The following CEP128 variants were observed in gnomAD, a reference collection of about 807,000 sequenced individuals.
The protein encoded by CEP128 is centrosomal protein 128kDa.
In CEP128, 132 loss-of-function variants were observed where a neutral mutation model predicts 156.7. That is an observed-to-expected ratio of 0.84 (90% CI 0.73 to 0.97). The LOEUF (loss-of-function observed/expected upper bound fraction) is 0.97, where lower values mean the gene tolerates loss of function less well. Among genes scored for constraint, CEP128 ranks in the 50% least tolerant of loss-of-function variants. The pLI, the probability that CEP128 is intolerant of heterozygous loss-of-function variation, is 0.00. For synonymous variants in CEP128, 469 were observed against 448.9 expected, an observed-to-expected ratio of 1.04 and a Z score of -0.57; for missense variants, 1,252 against 1,281.9, an observed-to-expected ratio of 0.98 and a Z score of 0.36.
At chr14:80,584,091 G>A (rs17110817) in intron 19 of CEP128, among the ~76,000 whole-genome samples, 24,712 of 149,184 alleles carry the variant, frequency 0.17, 2,300 homozygotes, top group East Asian at 0.2. Flanking sequence ...ACACTTGTCT[G>A]TATTCTTCTG....
At chr14:80,604,064 T>C (rs1340552845) in intron 19 of CEP128, among the ~76,000 whole-genome samples, 1 of 152,220 alleles carries the variant, frequency 6.6e-6, no homozygotes, top group Non-Finnish European at 1.5e-5. Flanking sequence ...TCTAGTTCTA[T>C]ACATTCTACT....
chr14:80,604,552 C>A (rs1892704818), intron 19 of CEP128, among the ~76,000 whole-genome samples: 1 of 152,126 alleles, frequency 6.6e-6, no homozygotes, highest in South Asian at 2.1e-4. Flanking sequence ...TCCTGACCTT[C>A]ACTACATAGA....
At chr14:80,679,330 A>G (rs4903933) in intron 19 of CEP128, among the ~76,000 whole-genome samples, 128,494 of 152,132 alleles carry the variant, frequency 0.84, 54,482 homozygotes, top group East Asian at 0.99. Flanking sequence ...ATAAACAGAC[A>G]TGCAAGTAGG....
At chr14:80,903,140 G>T (rs1169419742) in intron 6 of CEP128, among the ~76,000 whole-genome samples, 3 of 152,008 alleles carry the variant, frequency 2.0e-5, no homozygotes, top group Non-Finnish European at 4.4e-5. Context: ...AAAACAGCAT[G>T]GTACTAGAAA....
At chr14:80,537,855 G>A (rs1018119683) in intron 21 of CEP128, among the ~76,000 whole-genome samples, 9 of 152,052 alleles carry the variant, frequency 5.9e-5, no homozygotes, top group African/African-American at 2.2e-4. Context: ...CGGAATATAT[G>A]CTGCATTGGA....
chr14:80,905,069 T>C (rs1401574488), intron 5 of CEP128, 138 bp from the exon 6 acceptor site: 1 of 581,334 alleles, frequency 1.7e-6, no homozygotes, highest in Non-Finnish European at 3.1e-6. Context: ...CCCAAGTATC[T>C]TGCTATGGCC....
At chr14:80,659,873 A>G (rs10498549) in intron 19 of CEP128, among the ~76,000 whole-genome samples, 17,362 of 152,146 alleles carry the variant, frequency 0.11, 1,712 homozygotes, top group African/African-American at 0.26. Flanking sequence ...CTCAATTATC[A>G]TGACGGATTT....
chr14:80,920,994 C>A (rs12586908), intron 2 of CEP128, among the ~76,000 whole-genome samples: 18,143 of 151,856 alleles, frequency 0.12, 1,544 homozygotes, highest in East Asian at 0.44. Flanking sequence ...GTAATAGAGG[C>A]AAAATAAAAA....
intron 12 of CEP128, among the ~76,000 whole-genome samples, chr14:80,832,826 G>T (rs954397919): frequency 6.6e-5 from 10 of 152,184 alleles, no homozygotes; most frequent in Non-Finnish European, 1.2e-4. Context: ...GGAGGAGGGA[G>T]TGTCAACAGA....
upstream of CEP128, chr14:80,941,756 A>G (rs6574613): frequency 0.63 from 96,719 of 152,620 alleles, 30,944 homozygotes; most frequent in African/African-American, 0.7. Flanking sequence ...CAGCCACAGC[A>G]AGAGTACAGG....
intron 5 of CEP128, 68 bp downstream of exon 5, chr14:80,905,887 A>C (rs1883859679): frequency 6.6e-7 from 1 of 1,511,130 alleles, no homozygotes; most frequent in Non-Finnish European, 9.0e-7. Flanking sequence ...TTTCTCCAAA[A>C]ATTAAATGTA....
intron 19 of CEP128, among the ~76,000 whole-genome samples, chr14:80,594,369 C>T (rs988554810): frequency 2.6e-5 from 4 of 152,128 alleles, no homozygotes; most frequent in African/African-American, 7.2e-5. Flanking sequence ...CATAAAAACC[C>T]TAGAAGAAAA....
chr14:80,499,211 A>C (rs192529434), intron 24 of CEP128, among the ~76,000 whole-genome samples: 9 of 152,210 alleles, frequency 5.9e-5, no homozygotes, highest in African/African-American at 2.2e-4. Flanking sequence ...GACAGGTTAC[A>C]TATGAAGCAT....
chr14:80,871,241 T>TA (rs894019859), intron 8 of CEP128, among the ~76,000 whole-genome samples: 15 of 151,950 alleles, frequency 9.9e-5, no homozygotes, highest in Non-Finnish European at 1.8e-4. Flanking sequence ...AATGACAATT[T>TA]AAAAAAATAA....
intron 19 of CEP128, among the ~76,000 whole-genome samples, chr14:80,728,809 T>C (rs1426877440): frequency 6.6e-6 from 1 of 152,212 alleles, no homozygotes; most frequent in Admixed American, 6.5e-5. Context: ...ATCAACATTG[T>C]AGAACATTAT....
At chr14:80,940,144 G>A (rs1047316870) in intron 1 of CEP128, among the ~76,000 whole-genome samples, 1 of 152,036 alleles carries the variant, frequency 6.6e-6, no homozygotes, top group Non-Finnish European at 1.5e-5. Flanking sequence ...GGTAGATCTG[G>A]GAATACATCT....
intron 19 of CEP128, among the ~76,000 whole-genome samples, chr14:80,581,334 A>G (rs767138510): frequency 3.9e-5 from 6 of 152,316 alleles, no homozygotes; most frequent in Non-Finnish European, 5.9e-5. Flanking sequence ...ATGTTACATA[A>G]AAGGAAAATA....
At chr14:80,610,655 G>A (rs575128469) in intron 19 of CEP128, among the ~76,000 whole-genome samples, 4 of 152,006 alleles carry the variant, frequency 2.6e-5, no homozygotes, top group South Asian at 2.1e-4. Flanking sequence ...TTAACAATCC[G>A]TGTACTCTTT....
intron 2 of CEP128, among the ~76,000 whole-genome samples, chr14:80,925,430 CTG>C (rs1885093198): frequency 6.6e-6 from 1 of 152,170 alleles, no homozygotes; most frequent in South Asian, 2.1e-4. Flanking sequence ...GAGAAAAAAA[CTG>C]TTAGAATTTC....
Sources: gnomAD v4.1 joint callset for allele counts (sites outside exome capture counted in the v4.1 genomes callset) on GRCh38, gnomAD v4.1.1 for gene constraint, MANE v1.5 for transcripts, NCBI Gene and HGNC (gene_info 2026-07-23, HGNC 2026-07-21) for gene names.